The following EDAR variants were observed in gnomAD, a reference collection of about 807,000 sequenced individuals.
EDAR encodes the protein tumor necrosis factor receptor superfamily member EDAR.
In EDAR, 38 loss-of-function variants were observed where a neutral mutation model predicts 51.3. That is an observed-to-expected ratio of 0.74 (90% CI 0.57 to 0.97). The LOEUF (loss-of-function observed/expected upper bound fraction) is 0.97. EDAR is among the 50% of genes least tolerant of loss of function. EDAR has a pLI of 0.00. For missense variants in EDAR, 528 were observed against 595.0 expected (o/e 0.89, Z 1.17); for synonymous variants, 227 against 242.1 (o/e 0.94, Z 0.58).
chr2:108,988,395 A>G (rs2104500062), intron 1 of EDAR, among the ~76,000 whole-genome samples: 1 of 152,298 alleles, frequency 6.6e-6, no homozygotes, highest in African/African-American at 2.4e-5. Context: ...GCTGGAAATG[A>G]AAACCTCAAT....
At chr2:108,940,956 C>CGTG (rs1697582311) in intron 1 of EDAR, among the ~76,000 whole-genome samples, 1 of 152,072 alleles carries the variant, frequency 6.6e-6, no homozygotes, top group Non-Finnish European at 1.5e-5. Context: ...GTATATACAC[C>CGTG]CCCTGTGGCT....
chr2:108,930,526 C>T (rs1697347956), intron 2 of EDAR, among the ~76,000 whole-genome samples: 1 of 152,162 alleles, frequency 6.6e-6, no homozygotes, highest in African/African-American at 2.4e-5. Flanking sequence ...TTCTCCTCAT[C>T]AACGCACTTG....
intron 1 of EDAR, among the ~76,000 whole-genome samples, chr2:108,965,799 A>G (rs1698140758): frequency 6.6e-6 from 1 of 152,012 alleles, no homozygotes; most frequent in South Asian, 2.1e-4. Context: ...GAAATTCAAG[A>G]TGGGCCTTTT....
chr2:108,901,540 T>G (rs566125772), intron 11 of EDAR, among the ~76,000 whole-genome samples: 1 of 152,272 alleles, frequency 6.6e-6, no homozygotes, highest in East Asian at 1.9e-4. Context: ...GAGACAGTTA[T>G]TTGAAAAGAT....
At chr2:108,953,854 G>A (rs2104377522) in intron 1 of EDAR, among the ~76,000 whole-genome samples, 1 of 152,248 alleles carries the variant, frequency 6.6e-6, no homozygotes, top group South Asian at 2.1e-4. Flanking sequence ...GTGTGCCCAA[G>A]GGTCAAGTGA....
In EDAR at chr2:108,896,836, A is replaced by G; in HGVS notation, c.*71T>C. The G allele has an allele frequency of 6.8e-7, 1 of 1,475,232 alleles. No homozygotes were observed. 91.4% of individuals were successfully genotyped at this position (1,475,232 alleles called of 1,614,324 possible). A position where few individuals can be genotyped will look rare whatever the true frequency, so the allele number is the denominator to read the frequency against. On this transcript the variant is annotated 3_prime_UTR_variant, in exon 12 of 12. Transcript: ENST00000258443. Reference sequence around the variant, plus strand: ...CCTTGATTCTTGGCAGTCTTTTGGCACCACTCACAGCTCCAGAGCCCTCGT... The same window carrying G: ...CCTTGATTCTTGGCAGTCTTTTGGCGCCACTCACAGCTCCAGAGCCCTCGT...
At chr2:108,981,362 G>A (rs12466509) in intron 1 of EDAR, among the ~76,000 whole-genome samples, 67,688 of 152,044 alleles carry the variant, frequency 0.45, 17,665 homozygotes, top group South Asian at 0.6. Context: ...CCAACTTCAG[G>A]GAAGAAGAAA....
At chr2:108,952,664 A>G (rs1697847452) in intron 1 of EDAR, among the ~76,000 whole-genome samples, 1 of 152,238 alleles carries the variant, frequency 6.6e-6, no homozygotes, top group South Asian at 2.1e-4. Flanking sequence ...GAGTTATTCT[A>G]AAGTCTTAGT....
At chr2:108,936,963 T>G (rs1697482082) in intron 1 of EDAR, among the ~76,000 whole-genome samples, 8 of 152,068 alleles carry the variant, frequency 5.3e-5, no homozygotes, top group Admixed American at 5.2e-4. Context: ...TCCCACAAAT[T>G]AAATAGCCGG....
intron 1 of EDAR, among the ~76,000 whole-genome samples, chr2:108,985,860 GCC>G (rs1698488860): frequency 1.3e-5 from 2 of 152,318 alleles, no homozygotes; most frequent in East Asian, 3.9e-4. Flanking sequence ...GGATGAAGGA[GCC>G]CATTCATTCA....
At chr2:108,922,710 C>T (rs897337067) in intron 5 of EDAR, among the ~76,000 whole-genome samples, 4 of 152,114 alleles carry the variant, frequency 2.6e-5, no homozygotes, top group African/African-American at 9.7e-5. Context: ...CAGCCCGGCA[C>T]CAGACACCCA....
At chr2:108,946,591 C>T (rs956601976) in intron 1 of EDAR, among the ~76,000 whole-genome samples, 6 of 152,208 alleles carry the variant, frequency 3.9e-5, no homozygotes, top group Admixed American at 3.9e-4. Context: ...ACTCACAGTT[C>T]CACATGGCTG....
At chr2:108,945,322 T>C (rs1163980586) in intron 1 of EDAR, among the ~76,000 whole-genome samples, 1 of 152,120 alleles carries the variant, frequency 6.6e-6, no homozygotes, top group African/African-American at 2.4e-5. Flanking sequence ...ATTTCACTAC[T>C]CCAGCAGTTC....
Position 108,987,755 on chromosome 2 carries a change from G to T in EDAR, c.-19+1205C>A, listed in dbSNP as rs138413555. Among the ~76,000 whole-genome samples the T allele has an allele frequency of 7.2e-3, 1,090 of 152,324 alleles. 9 individuals are homozygous for T. Among genetic ancestry groups the T allele is most frequent in the South Asian group, 0.028 (135 of 4,830 alleles). On this transcript the variant is annotated intron_variant, in intron 1 of 11. Transcript: ENST00000258443. ...CCAGGATCGCCAAACTTTCCCAGCC[G>T]TGAAGGGTACACGTGGACTGTCATC...
intron 1 of EDAR, among the ~76,000 whole-genome samples, chr2:108,983,983 C>T (rs1266094570): frequency 3.3e-5 from 5 of 152,204 alleles, no homozygotes; most frequent in African/African-American, 1.2e-4. Flanking sequence ...AGCAGGGCTG[C>T]AAGGGGGGCG....
chr2:108,982,978 G>C (rs965025447), intron 1 of EDAR, among the ~76,000 whole-genome samples: 1 of 152,170 alleles, frequency 6.6e-6, no homozygotes, highest in Non-Finnish European at 1.5e-5. Context: ...TTCAAAAAGA[G>C]TTCTGCTGAA....
chr2:108,950,321 G>C (rs1221636604), intron 1 of EDAR, among the ~76,000 whole-genome samples: 3 of 149,376 alleles, frequency 2.0e-5, no homozygotes, highest in Non-Finnish European at 3.0e-5. Context: ...GTCAAGCATA[G>C]CTCACTGCAG....
At chr2:108,935,203 C>A (rs940135917) in intron 1 of EDAR, among the ~76,000 whole-genome samples, 2 of 152,182 alleles carry the variant, frequency 1.3e-5, no homozygotes, top group African/African-American at 4.8e-5. Context: ...TTGGCCCTTC[C>A]TTCCTCAATT....
chr2:108,906,418 A>G (rs1372459788), intron 10 of EDAR, 50 bp from the exon 11 acceptor site: 5 of 1,599,192 alleles, frequency 3.1e-6, no homozygotes, highest in East Asian at 2.2e-5. Flanking sequence ...GCAACAGTAG[A>G]AAGGAGGCAA....
Sources: gnomAD v4.1 joint callset for allele counts (sites outside exome capture counted in the v4.1 genomes callset) on GRCh38, gnomAD v4.1.1 for gene constraint, MANE v1.5 for transcripts, NCBI Gene and HGNC (gene_info 2026-07-23, HGNC 2026-07-21) for gene names.